PCSK5: variants seen among roughly 807,000 people sequenced by gnomAD.
The protein encoded by PCSK5 is proprotein convertase subtilisin/kexin type 5.
In PCSK5, 129 loss-of-function variants were observed where a neutral mutation model predicts 233.2. The observed-to-expected ratio is 0.55, with a 90% confidence interval of 0.48 to 0.64. PCSK5 has a LOEUF of 0.64. Among genes scored for constraint, PCSK5 ranks in the 30% least tolerant of loss-of-function variants. The probability of loss-of-function intolerance (pLI) is 0.00; values close to 1 mark genes in which losing one functional copy is unlikely to be tolerated. For missense variants in PCSK5, 2,076 were observed against 2,430.1 expected (o/e 0.85, Z 3.06); for synonymous variants, 825 against 879.2 (o/e 0.94, Z 1.09).
intron 35 of PCSK5, among the ~76,000 whole-genome samples, chr9:76,349,169 G>C (rs944724133): frequency 2.4e-4 from 37 of 151,260 alleles, no homozygotes; most frequent in Admixed American, 7.3e-4. Flanking sequence ...AGCTACTCAG[G>C]AGGCTAAGGC....
rs183993506 is a variant in PCSK5 at position 76,346,083 on chromosome 9, T to A, written c.4967-4745T>A. 2.6e-5 allele frequency among the ~76,000 whole-genome samples: 4 copies of A among 152,308 alleles called. No individual in the cohort carries two copies. In the East Asian group the frequency reaches 7.7e-4, roughly 29 times the overall value. On this transcript the variant is annotated intron_variant, in intron 35 of 37. Transcript: ENST00000674117. ...TCACCTATATGGTGACAGGTAGGGA[T>A]CCAGTTTTATTCTTCTGCATATAGC...
chr9:76,220,152 C>T (rs1825677936), intron 20 of PCSK5, among the ~76,000 whole-genome samples: 1 of 152,162 alleles, frequency 6.6e-6, no homozygotes, highest in Admixed American at 6.5e-5. Flanking sequence ...TCCCATCCAC[C>T]AACAACGTTT....
At chr9:76,148,240 G>A (rs1459304177) in intron 10 of PCSK5, among the ~76,000 whole-genome samples, 2 of 151,104 alleles carry the variant, frequency 1.3e-5, no homozygotes, top group Non-Finnish European at 2.9e-5. Flanking sequence ...CAAAGATACA[G>A]CCCTGGTTCT....
At chr9:75,909,420 G>A (rs1451722423) in intron 1 of PCSK5, among the ~76,000 whole-genome samples, 2 of 151,626 alleles carry the variant, frequency 1.3e-5, no homozygotes, top group Admixed American at 1.3e-4. Context: ...TCAGAGCTGG[G>A]TGCGGTAGCT....
At chr9:76,094,527 C>G (rs1480242328) in intron 7 of PCSK5, among the ~76,000 whole-genome samples, 1 of 152,194 alleles carries the variant, frequency 6.6e-6, no homozygotes, top group East Asian at 1.9e-4. Flanking sequence ...CTCCTGAAGA[C>G]ATCATCTTAT....
At chr9:76,189,369 C>A in intron 19 of PCSK5, 146 bp downstream of exon 19, 1 of 734,242 alleles carries the variant, frequency 1.4e-6, no homozygotes, top group South Asian at 1.8e-5. Flanking sequence ...GAAGCTTTCA[C>A]CCAGCTTATC....
At chr9:76,349,590 A>G (rs937422138) in intron 35 of PCSK5, among the ~76,000 whole-genome samples, 3 of 152,190 alleles carry the variant, frequency 2.0e-5, no homozygotes, top group African/African-American at 4.8e-5. Context: ...ATGAAACGTC[A>G]ATTTAACTAT....
intron 20 of PCSK5, among the ~76,000 whole-genome samples, chr9:76,208,086 C>A (rs1825193052): frequency 6.6e-6 from 1 of 152,108 alleles, no homozygotes; most frequent in African/African-American, 2.4e-5. Flanking sequence ...CGTAACGAAC[C>A]CACTTTCACA....
chr9:76,229,516 T>C (rs2131313049), intron 21 of PCSK5, among the ~76,000 whole-genome samples: 1 of 152,356 alleles, frequency 6.6e-6, no homozygotes, highest in Middle Eastern at 3.4e-3. Context: ...GTCAGTGAAC[T>C]AATTAAAAAT....
intron 2 of PCSK5, among the ~76,000 whole-genome samples, chr9:75,947,348 T>C (rs1824623456): frequency 6.6e-6 from 1 of 151,862 alleles, no homozygotes; most frequent in South Asian, 2.1e-4. Context: ...GGATAGAAAA[T>C]AGAAGAAACC....
chr9:76,278,675 CTCTA>C lies in PCSK5; in HGVS notation c.3143-13554_3143-13551del, dbSNP rs1031513533. Among the ~76,000 whole-genome samples, 521 of 149,820 alleles carry C rather than the reference CTCTA, an allele frequency of 3.5e-3. 2 individuals carry two copies. Among genetic ancestry groups the C allele is most frequent in the African/African-American group, 0.013 (496 of 39,636 alleles). ...GCCTTCTGATTTTCAATAAAGCCAT[CTCTA>C]TCTGTCTATCTATCTATCTATCCAT... On this transcript the variant is annotated intron_variant, in intron 24 of 37. Transcript: ENST00000674117.
chr9:76,200,235 C>A (rs1824863754), intron 20 of PCSK5, among the ~76,000 whole-genome samples: 1 of 152,232 alleles, frequency 6.6e-6, no homozygotes, highest in Non-Finnish European at 1.5e-5. Context: ...TGTCACCTCA[C>A]ACCACCATCC....
chr9:76,181,384 G>A lies in PCSK5; in HGVS notation c.2004-14G>A, dbSNP rs1319549087. The A allele has an allele frequency of 6.2e-7, 1 of 1,605,370 alleles. No individual in the cohort carries two copies. Among genetic ancestry groups the A allele is most frequent in the East Asian group, 2.2e-5 (1 of 44,494 alleles). ...TCATGACGCTGCCTTCTTTCTTATT[G>A]TTTCACAATGCAGGATCTGTGTCTC... On this transcript the variant is annotated splice_polypyrimidine_tract_variant and intron_variant, in intron 15 of 37. Coordinates refer to ENST00000674117, the MANE Select transcript of PCSK5 (RefSeq NM_001372043.1).
intron 34 of PCSK5, among the ~76,000 whole-genome samples, chr9:76,333,127 A>G (rs1250036776): frequency 2.6e-5 from 4 of 152,212 alleles, no homozygotes; most frequent in Non-Finnish European, 4.4e-5. Flanking sequence ...GCAGTAAGCT[A>G]TGATTGCACC....
chr9:76,180,971 A>AACC (rs1823844590), intron 15 of PCSK5, among the ~76,000 whole-genome samples: 1 of 152,064 alleles, frequency 6.6e-6, no homozygotes, highest in Non-Finnish European at 1.5e-5. Flanking sequence ...AACAGCATAC[A>AACC]ACCACCACCA....
At chr9:76,001,374 C>T (rs776025879) in intron 3 of PCSK5, among the ~76,000 whole-genome samples, 18 of 151,624 alleles carry the variant, frequency 1.2e-4, no homozygotes, top group Non-Finnish European at 2.2e-4. Context: ...TCTCATGCTG[C>T]CCAGAATCTT....
At chr9:76,149,908 T>C (rs1478213186) in intron 10 of PCSK5, among the ~76,000 whole-genome samples, 1 of 152,212 alleles carries the variant, frequency 6.6e-6, no homozygotes, top group Non-Finnish European at 1.5e-5. Flanking sequence ...CTTTTTTCTT[T>C]TCTTAAAATG....
intron 7 of PCSK5, among the ~76,000 whole-genome samples, chr9:76,088,101 A>G (rs181466216): frequency 1.4e-3 from 215 of 152,304 alleles, no homozygotes; most frequent in Non-Finnish European, 2.1e-3. Flanking sequence ...GGATGTTTAG[A>G]CAGCCCTTCC....
chr9:76,172,950 C>T lies in PCSK5; in HGVS notation c.1757-2036C>T, dbSNP rs574890975. The stretch of plus-strand genomic sequence containing the variant: ...AAGTCAGAAAAAAATGCATGCATCA[C>T]AGAATGTGTTCATTTTTAAATGTCA... On this transcript the variant is annotated intron_variant, in intron 13 of 37. Transcript: ENST00000674117. Among the ~76,000 whole-genome samples, 12 of 152,308 alleles carry T rather than the reference C, an allele frequency of 7.9e-5. No homozygotes were observed. In the South Asian group the frequency reaches 2.5e-3, roughly 32 times the overall value.
Sources: allele counts gnomAD v4.1 joint callset (sites outside exome capture counted in the v4.1 genomes callset), GRCh38; gene constraint gnomAD v4.1.1; transcripts MANE v1.5; gene names NCBI Gene and HGNC (gene_info 2026-07-23, HGNC 2026-07-21).